CHST9: variants seen among roughly 807,000 people sequenced by gnomAD.
CHST9 encodes the protein carbohydrate sulfotransferase 9, also known as GalNAc-4-sulfotransferase 2.
Under a neutral mutation model 44.4 loss-of-function variants are expected in CHST9, and 41 were observed. The observed-to-expected ratio is 0.92, with a 90% CI of 0.72 to 1.20. The LOEUF (loss-of-function observed/expected upper bound fraction) is 1.20, where lower values mean the gene tolerates loss of function less well. Ranked by LOEUF, CHST9 falls within the 50% of genes most tolerant of loss-of-function variation. CHST9 has a pLI of 0.00. For synonymous variants in CHST9, 171 were observed against 178.4 expected (o/e 0.96, Z 0.33); for missense variants, 504 against 516.5 (o/e 0.98, Z 0.23).
chr18:27,113,581 C>T (rs1686000137), intron 2 of CHST9, among the ~76,000 whole-genome samples: 7 of 152,018 alleles, frequency 4.6e-5, no homozygotes, highest in Admixed American at 4.6e-4. Context: ...GGATTAGTGC[C>T]CTTTTAAACA....
intron 4 of CHST9, among the ~76,000 whole-genome samples, chr18:26,986,942 C>G (rs1266925783): frequency 6.6e-6 from 1 of 152,044 alleles, no homozygotes; most frequent in Admixed American, 6.5e-5. Flanking sequence ...GAAATTGATA[C>G]TGAATGAAAA....
At chr18:27,047,254 G>GT (rs2057512334) in intron 3 of CHST9, among the ~76,000 whole-genome samples, 1 of 152,020 alleles carries the variant, frequency 6.6e-6, no homozygotes, top group South Asian at 2.1e-4. Context: ...AACTAAGAAG[G>GT]TAGTACATAC....
chr18:27,140,172 C>T (rs758507730), intron 2 of CHST9, among the ~76,000 whole-genome samples: 3 of 152,244 alleles, frequency 2.0e-5, no homozygotes, highest in South Asian at 4.2e-4. Context: ...TGAGCAGAGG[C>T]GTGGACCTCG....
intron 1 of CHST9, among the ~76,000 whole-genome samples, chr18:27,157,142 G>A (rs2058703614): frequency 6.6e-6 from 1 of 152,040 alleles, no homozygotes; most frequent in South Asian, 2.1e-4. Flanking sequence ...TGCCAGATAT[G>A]TGACATAGCT....
At chr18:27,143,602 T>TA (rs34245519) in intron 1 of CHST9, among the ~76,000 whole-genome samples, 45,144 of 151,872 alleles carry the variant, frequency 0.3, 7,663 homozygotes, top group Non-Finnish European at 0.38. Flanking sequence ...TTATTTTTTT[T>TA]AAAAAAATTG....
At chr18:26,983,531 C>T (rs1437073888) in intron 4 of CHST9, among the ~76,000 whole-genome samples, 2 of 152,260 alleles carry the variant, frequency 1.3e-5, no homozygotes, top group South Asian at 4.1e-4. Context: ...GAGGCCTCCC[C>T]AGAAGCCGAG....
intron 4 of CHST9, among the ~76,000 whole-genome samples, chr18:26,998,209 G>A (rs951778893): frequency 3.9e-5 from 6 of 152,242 alleles, no homozygotes; most frequent in Admixed American, 6.5e-5. Flanking sequence ...CACCCTGCTC[G>A]TATTTTATTG....
chr18:27,061,445 C>G (rs1351338149), intron 2 of CHST9, among the ~76,000 whole-genome samples: 1 of 152,180 alleles, frequency 6.6e-6, no homozygotes, highest in Non-Finnish European at 1.5e-5. Context: ...AGGCACTGTA[C>G]TTTAGAGGAT....
intron 2 of CHST9, among the ~76,000 whole-genome samples, chr18:27,075,157 T>G (rs1274188444): frequency 7.4e-6 from 1 of 134,240 alleles, no homozygotes; most frequent in Non-Finnish European, 1.6e-5. Flanking sequence ...GTTGCTTTTT[T>G]TGTTTGTTTT....
chr18:26,982,339 CTTT>C (rs34211889), intron 4 of CHST9, among the ~76,000 whole-genome samples: 63 of 133,676 alleles, frequency 4.7e-4, no homozygotes, highest in Non-Finnish European at 5.0e-4. Flanking sequence ...CTCCTTTTAC[CTTT>C]TTTTTTTTTT....
At chr18:27,077,262 C>G (rs1042761191) in intron 2 of CHST9, among the ~76,000 whole-genome samples, 2 of 152,242 alleles carry the variant, frequency 1.3e-5, no homozygotes, top group South Asian at 4.2e-4. Context: ...AAATGAAAAT[C>G]AAGGAAAATT....
chr18:26,951,605 G>A (rs1772310648), intron 4 of CHST9, among the ~76,000 whole-genome samples: 1 of 151,940 alleles, frequency 6.6e-6, no homozygotes, highest in Non-Finnish European at 1.5e-5. Flanking sequence ...TTCTTTTCTA[G>A]GTATCTCAGT....
intron 1 of CHST9, among the ~76,000 whole-genome samples, chr18:27,157,963 T>G (rs1031401598): frequency 7.2e-5 from 11 of 152,256 alleles, no homozygotes; most frequent in African/African-American, 2.6e-4. Flanking sequence ...GGGGGCATAT[T>G]GGACTCATGC....
chr18:26,978,296 T>G (rs1294765705), intron 4 of CHST9, among the ~76,000 whole-genome samples: 1 of 151,952 alleles, frequency 6.6e-6, no homozygotes, highest in African/African-American at 2.4e-5. Flanking sequence ...TGTGTGTGTG[T>G]GTGTGTGCTG....
intron 2 of CHST9, among the ~76,000 whole-genome samples, chr18:27,081,229 C>T (rs1325645937): frequency 2.0e-5 from 3 of 151,938 alleles, no homozygotes; most frequent in Non-Finnish European, 4.4e-5. Flanking sequence ...TCCCAGCTAC[C>T]CAGCTACTCA....
chr18:26,940,998 T>TA (rs987354407), intron 5 of CHST9, among the ~76,000 whole-genome samples: 1 of 152,134 alleles, frequency 6.6e-6, no homozygotes, highest in African/African-American at 2.4e-5. Flanking sequence ...CACTAGAAGC[T>TA]AAAAAGAGCA....
At chr18:27,032,054 G>A (rs547686248) in intron 3 of CHST9, among the ~76,000 whole-genome samples, 7 of 152,104 alleles carry the variant, frequency 4.6e-5, no homozygotes, top group African/African-American at 1.7e-4. Flanking sequence ...GCCAAGTGCT[G>A]GACCCAAATC....
chr18:26,961,322 GA>G (rs1458379004), intron 4 of CHST9, among the ~76,000 whole-genome samples: 2 of 152,196 alleles, frequency 1.3e-5, no homozygotes, highest in African/African-American at 4.8e-5. Flanking sequence ...AAGTACATAT[GA>G]TTATATGTAA....
chr18:27,077,803 A>C (rs1229923260), intron 2 of CHST9, among the ~76,000 whole-genome samples: 4 of 152,240 alleles, frequency 2.6e-5, no homozygotes, highest in Admixed American at 2.6e-4. Context: ...TCACACTGCT[A>C]TAAAGACATA....
Sources: gnomAD v4.1 joint callset for allele counts (sites outside exome capture counted in the v4.1 genomes callset) on GRCh38, gnomAD v4.1.1 for gene constraint, MANE v1.5 for transcripts, NCBI Gene and HGNC (gene_info 2026-07-23, HGNC 2026-07-21) for gene names.